Variants in HEATR3 observed in about 807,000 individuals in gnomAD.
HEATR3 encodes the protein HEAT repeat-containing protein 3.
Under a neutral mutation model 72.8 loss-of-function variants are expected in HEATR3, and 56 were observed. The ratio of observed to expected loss-of-function variants is 0.77; its 90% confidence interval spans 0.62 to 0.96. HEATR3 has a LOEUF of 0.96. HEATR3 is among the 40% of genes least tolerant of loss of function. The pLI, the probability that HEATR3 is intolerant of heterozygous loss-of-function variation, is 0.00. For missense variants in HEATR3, 747 were observed against 831.4 expected, an observed-to-expected ratio of 0.90 and a Z score of 1.25; for synonymous variants, 331 against 318.1, an observed-to-expected ratio of 1.04 and a Z score of -0.43.
In HEATR3 at chr16:50,066,259, T is replaced by C. The variant is rs898864937; in HGVS notation, c.128T>C (p.Leu43Pro). 3.8e-6 allele frequency: 6 copies of C among 1,568,122 alleles called. No individual in the cohort carries two copies. Among genetic ancestry groups the C allele is most frequent in the Non-Finnish European group, 5.2e-6 (6 of 1,160,282 alleles). ...GAGGACGACGGGCCGGCGGCGGAGCTGCTGGAAAAGGTGAGGCGAGGGCTC... is the reference window on the plus strand; with the variant it reads ...GAGGACGACGGGCCGGCGGCGGAGCCGCTGGAAAAGGTGAGGCGAGGGCTC... Reference protein sequence around the residue: ...GEEDDGPAAELLEKLQHPSAE... With the variant: ...GEEDDGPAAEPLEKLQHPSAE... The change falls in exon 1 of 15, where the codon CTG becomes CCG. Residue 43 changes from leucine to proline, a missense_variant. Transcript: ENST00000299192.
At chr16:50,086,136 G>GCTTA in intron 10 of HEATR3, 79 bp from the exon 11 acceptor site, 1 of 1,342,110 alleles carries the variant, frequency 7.5e-7, no homozygotes, top group East Asian at 2.5e-5. Context: ...AGAACGTGAA[G>GCTTA]CTTAGGCTAA....
intron 2 of HEATR3, chr16:50,066,743 C>A: frequency 2.2e-6 from 1 of 446,116 alleles, no homozygotes; most frequent in Non-Finnish European, 3.7e-6. Context: ...GCTGCTTCAC[C>A]TGCAGCGTCC....
chr16:50,088,086 C>T (rs2150614293), intron 11 of HEATR3, among the ~76,000 whole-genome samples: 1 of 152,238 alleles, frequency 6.6e-6, no homozygotes, highest in South Asian at 2.1e-4. Flanking sequence ...AAGATCGCGC[C>T]ATTGCACTCC....
rs2036553796 is a variant in HEATR3 at position 50,068,858 on chromosome 16, G to C, written c.390G>C (p.Leu130=). 6.2e-7 allele frequency: 1 copy of C among 1,612,752 alleles called. No individual in the cohort carries two copies. Among genetic ancestry groups the C allele is most frequent in the Non-Finnish European group, 8.5e-7 (1 of 1,179,142 alleles). The change falls in exon 3 of 15, where the codon CTG becomes CTC. Residue 130 remains leucine, a synonymous_variant. Coordinates refer to ENST00000299192, the MANE Select transcript of HEATR3 (RefSeq NM_182922.4). ...ATATCATGACCCCTCTGGTTGCGCT[G>C]CTAAAAGAGGTATGCAGTTTTTACA... is the stretch of plus-strand genomic sequence containing the variant. ...TKDIMTPLVA[L]LKECSAGLDS... is the part of the protein sequence containing the mutation.
chr16:50,078,386 C>G (rs1415219808), intron 6 of HEATR3, among the ~76,000 whole-genome samples: 3 of 152,138 alleles, frequency 2.0e-5, no homozygotes, highest in African/African-American at 7.2e-5. Context: ...CCATTTCACT[C>G]TTGGAATATA....
At chr16:50,071,209 C>T (rs1460500094) in intron 4 of HEATR3, among the ~76,000 whole-genome samples, 1 of 150,748 alleles carries the variant, frequency 6.6e-6, no homozygotes, top group Non-Finnish European at 1.5e-5. Context: ...ACATTTCTAG[C>T]AAGACTCTGT....
intron 2 of HEATR3, 109 bp from the exon 3 acceptor site, chr16:50,068,671 A>G (rs977857050): frequency 4.9e-6 from 4 of 818,960 alleles, no homozygotes; most frequent in South Asian, 3.2e-5. Context: ...ACAATAAGCT[A>G]TTTCCTCTGG....
At chr16:50,070,470 C>T (rs1489023843) in intron 4 of HEATR3, among the ~76,000 whole-genome samples, 180 bp downstream of exon 4, 6 of 152,094 alleles carry the variant, frequency 3.9e-5, no homozygotes, top group Admixed American at 2.6e-4. Flanking sequence ...GAGGCCGAGG[C>T]GGGTGGATCA....
intron 11 of HEATR3, among the ~76,000 whole-genome samples, chr16:50,092,445 T>C (rs111913294): frequency 7.9e-6 from 1 of 126,960 alleles, no homozygotes. Flanking sequence ...TCTTTTTTTT[T>C]TTTTTTTCCT....
chr16:50,084,363 A>C, intron 9 of HEATR3, 72 bp downstream of exon 9: 1 of 1,521,400 alleles, frequency 6.6e-7, no homozygotes, highest in Non-Finnish European at 8.9e-7. Flanking sequence ...TTTTGTGTAC[A>C]AAAGAAGCAA....
At chr16:50,103,941 A>T (rs1315323413) in intron 14 of HEATR3, among the ~76,000 whole-genome samples, 1 of 152,146 alleles carries the variant, frequency 6.6e-6, no homozygotes, top group African/African-American at 2.4e-5. Flanking sequence ...GAGCAGGAGG[A>T]TCGTGTGAGT....
chr16:50,077,075 T>G (rs1032157022), intron 6 of HEATR3, among the ~76,000 whole-genome samples: 1 of 151,962 alleles, frequency 6.6e-6, no homozygotes, highest in Non-Finnish European at 1.5e-5. Context: ...GGGGTTTCAC[T>G]GTGTTAGCCA....
Position 50,068,844 on chromosome 16 carries a change from C to T in HEATR3, c.376C>T (p.Pro126Ser). ...DDMVTKDIMT[P>S]LVALLKECSA... Reference sequence around the variant, plus strand: ...CATGGTGACTAAGGATATCATGACCCCTCTGGTTGCGCTGCTAAAAGAGGT... The same window carrying T: ...CATGGTGACTAAGGATATCATGACCTCTCTGGTTGCGCTGCTAAAAGAGGT... Residue 126 changes from proline to serine, a missense_variant, in exon 3 of 15, where the codon CCT (proline) becomes TCT (serine). Physicochemically the swap from Pro to Ser is moderately conservative, Grantham distance 74. Around this residue, in one of 2 missense-constraint regions of HEATR3, gnomAD observed 586 missense variants for 708.8 expected, o/e 0.83. Transcript: ENST00000299192. The T allele has an allele frequency of 2.5e-6, 4 of 1,613,536 alleles. No homozygotes were observed. Among genetic ancestry groups the T allele is most frequent in the Non-Finnish European group, 3.4e-6 (4 of 1,179,640 alleles).
chr16:50,071,479 G>A (rs577882008), intron 4 of HEATR3, among the ~76,000 whole-genome samples: 4 of 152,290 alleles, frequency 2.6e-5, no homozygotes, highest in Admixed American at 2.6e-4. Context: ...GTTGCATTTG[G>A]AAGTTTTTAA....
chr16:50,091,569 A>C (rs974153295), intron 11 of HEATR3, among the ~76,000 whole-genome samples: 1 of 152,124 alleles, frequency 6.6e-6, no homozygotes, highest in Non-Finnish European at 1.5e-5. Flanking sequence ...ACATGCTACA[A>C]ATTCTTAAAT....
chr16:50,094,910 T>G, intron 12 of HEATR3, 117 bp downstream of exon 12: 1 of 554,320 alleles, frequency 1.8e-6, no homozygotes, highest in East Asian at 3.2e-5. Context: ...TAATATGTGA[T>G]CTTTGTAAAA....
chr16:50,089,907 C>T (rs1206813780), intron 11 of HEATR3, among the ~76,000 whole-genome samples: 1 of 152,092 alleles, frequency 6.6e-6, no homozygotes, highest in Non-Finnish European at 1.5e-5. Flanking sequence ...CCTTGTGATC[C>T]ACCCGCCTCG....
Position 50,084,189 on chromosome 16 carries a change from T to C in HEATR3, c.1188T>C (p.Phe396=). The C allele has an allele frequency of 6.2e-7, 1 of 1,614,202 alleles. No individual in the cohort carries two copies. The highest frequency in any genetic ancestry group is 1.1e-5 in the South Asian group (1 of 91,090). Residue 396 remains phenylalanine (F), a synonymous_variant, in exon 9 of 15, where the codon TTT becomes TTC. Coordinates refer to ENST00000299192, the MANE Select transcript of HEATR3 (RefSeq NM_182922.4). ...ELSSSDESDA[F]MENSFSECGG... ...CTAGCAGTGATGAAAGTGACGCATT[T>C]ATGGAGAATTCCTTCAGTGAGTGCG... is the stretch of plus-strand genomic sequence containing the variant.
At chr16:50,094,090 G>A (rs1253109584) in intron 11 of HEATR3, among the ~76,000 whole-genome samples, 3 of 152,210 alleles carry the variant, frequency 2.0e-5, no homozygotes, top group African/African-American at 7.2e-5. Flanking sequence ...CAACTCCCCT[G>A]GGTGACCCTC....
Sources: allele counts gnomAD v4.1 joint callset (sites outside exome capture counted in the v4.1 genomes callset), GRCh38; gene constraint gnomAD v4.1.1; regional missense constraint gnomAD v4.1.1; transcripts MANE v1.5; gene names NCBI Gene and HGNC (gene_info 2026-07-23, HGNC 2026-07-21).